The following MYO16 variants were observed in gnomAD, a reference collection of about 807,000 sequenced individuals.
MYO16 encodes the protein myosin XVI, also known as unconventional myosin-XVI.
In MYO16, 94 loss-of-function variants were observed where a neutral mutation model predicts 205.3. The ratio of observed to expected loss-of-function variants is 0.46; its 90% CI spans 0.39 to 0.54. MYO16 has a LOEUF of 0.54. Among genes scored for constraint, MYO16 ranks in the 20% least tolerant of loss-of-function variants. The pLI is 0.00. For synonymous variants in MYO16, 988 were observed against 954.0 expected, an observed-to-expected ratio of 1.04 and a Z score of -0.66; for missense variants, 2,315 against 2,387.5, an observed-to-expected ratio of 0.97 and a Z score of 0.63.
In MYO16 at chr13:109,023,098, T is replaced by C. The variant is rs985109487; in HGVS notation, c.2796+3187T>C. Among the ~76,000 whole-genome samples, 3 of 132,872 alleles carry C rather than the reference T, an allele frequency of 2.3e-5. No individual in the cohort carries two copies. The South Asian group carries it at 6.9e-4, about 31-fold the overall frequency. The allele number at this position is 132,872 out of a possible 152,430, so 87.2% of individuals were successfully genotyped here. A position where few individuals can be genotyped will look rare whatever the true frequency, so the allele number is the denominator to read the frequency against. On this transcript the variant is annotated intron_variant, in intron 23 of 34. Coordinates refer to ENST00000457511, the MANE Select transcript of MYO16 (RefSeq NM_001198950.3). ...ATTATATATACACATGTAAATATGT[T>C]TATATATTGTATATACATATAACAA...
the MYO16 span, among the ~76,000 whole-genome samples, chr13:108,543,795 G>T: frequency 7.1e-6 from 1 of 139,938 alleles, no homozygotes; most frequent in South Asian, 2.2e-4. Context: ...GCTGGGCATG[G>T]TGGCTCACAC....
intron 20 of MYO16, among the ~76,000 whole-genome samples, 190 bp from the exon 21 acceptor site, chr13:108,992,186 A>G (rs1258010008): frequency 6.6e-6 from 1 of 152,194 alleles, no homozygotes; most frequent in Non-Finnish European, 1.5e-5. Context: ...AAGCATTAAA[A>G]TAACAGTTTT....
chr13:109,174,796 G>A (rs1299314143), intron 33 of MYO16, among the ~76,000 whole-genome samples: 2 of 142,702 alleles, frequency 1.4e-5, no homozygotes, highest in Non-Finnish European at 3.0e-5. Flanking sequence ...CTGTCGCCCA[G>A]GCTGGAGTGC....
intron 28 of MYO16, among the ~76,000 whole-genome samples, chr13:109,111,674 T>C (rs1466135981): frequency 2.0e-5 from 3 of 151,806 alleles, no homozygotes; most frequent in Non-Finnish European, 4.4e-5. Context: ...TAATAAAATA[T>C]TCCAATGATT....
chr13:108,806,685 A>G lies in MYO16; in HGVS notation c.748A>G (p.Met250Val), dbSNP rs781409874. 9 of 1,612,776 alleles carry G rather than the reference A, an allele frequency of 5.6e-6. No individual in the cohort carries two copies. The highest frequency in any genetic ancestry group is 7.6e-6 in the Non-Finnish European group (9 of 1,179,078). The change falls in exon 7 of 35, where the codon ATG becomes GTG. Residue 250 changes from methionine (M) to valine (V), a missense_variant. By Grantham distance (21) the Met-to-Val change is conservative (BLOSUM62 1). Around this residue, in one of 3 missense-constraint regions of MYO16, gnomAD observed 1,213 missense variants for 1,274.4 expected, o/e 0.95. Coordinates refer to ENST00000457511, the MANE Select transcript of MYO16 (RefSeq NM_001198950.3). ...AGATGTCTCTTCGCTGCAGTTACAC[A>G]TGGCGTGTGCGAGTGGCTACAAGGA... ...KNDEGVTLLH[M>V]ACASGYKEVV...
chr13:109,030,642 A>G (rs1886518518), intron 23 of MYO16, among the ~76,000 whole-genome samples: 1 of 151,784 alleles, frequency 6.6e-6, no homozygotes, highest in Admixed American at 6.6e-5. Flanking sequence ...GAGCTTATCG[A>G]CTCTCAAGAT....
intron 20 of MYO16, among the ~76,000 whole-genome samples, chr13:108,989,734 T>A (rs1384243749): frequency 6.6e-6 from 1 of 152,144 alleles, no homozygotes; most frequent in Non-Finnish European, 1.5e-5. Context: ...AACTAAATTG[T>A]TTTTGAGGAA....
intron 6 of MYO16, among the ~76,000 whole-genome samples, chr13:108,800,388 C>A (rs1194205975): frequency 1.3e-5 from 2 of 152,166 alleles, no homozygotes; most frequent in African/African-American, 2.4e-5. Flanking sequence ...AAGTGGACTC[C>A]TAACACACTA....
chr13:108,643,661 C>T (rs1054096938), intron 1 of MYO16, among the ~76,000 whole-genome samples: 3 of 152,172 alleles, frequency 2.0e-5, no homozygotes, highest in Non-Finnish European at 4.4e-5. Flanking sequence ...GTAGGATTCT[C>T]TTTGATGGAT....
chr13:108,848,873 C>G (rs1265479178), intron 10 of MYO16, among the ~76,000 whole-genome samples: 1 of 152,112 alleles, frequency 6.6e-6, no homozygotes, highest in Non-Finnish European at 1.5e-5. Context: ...ATTTTGTATC[C>G]AGTGCTCTTT....
intron 34 of MYO16, among the ~76,000 whole-genome samples, chr13:109,190,833 T>C (rs1275391502): frequency 6.6e-6 from 1 of 152,202 alleles, no homozygotes; most frequent in African/African-American, 2.4e-5. Context: ...TTCAATTATA[T>C]GCATCCATGT....
intron 3 of MYO16, among the ~76,000 whole-genome samples, chr13:108,726,581 A>G (rs1300994077): frequency 1.3e-5 from 2 of 151,986 alleles, no homozygotes; most frequent in Non-Finnish European, 2.9e-5. Flanking sequence ...AAGAAAAAGA[A>G]AAAGAAAAAT....
intron 1 of MYO16, among the ~76,000 whole-genome samples, chr13:108,598,293 A>G (rs1030434857): frequency 7.3e-5 from 11 of 150,114 alleles, no homozygotes; most frequent in African/African-American, 2.7e-4. Context: ...TCCATAAATA[A>G]ACATTGTAGT....
intron 16 of MYO16, among the ~76,000 whole-genome samples, chr13:108,912,337 C>G (rs189608423): frequency 1.6e-4 from 25 of 152,130 alleles, no homozygotes; most frequent in African/African-American, 5.8e-4. Flanking sequence ...TGTAAAAGGC[C>G]TTATCAAAAT....
chr13:109,095,850 A>G (rs774292244), intron 27 of MYO16, among the ~76,000 whole-genome samples: 1 of 152,236 alleles, frequency 6.6e-6, no homozygotes, highest in Non-Finnish European at 1.5e-5. Context: ...ACCGAAGGCC[A>G]ACAAACCAAG....
intron 34 of MYO16, among the ~76,000 whole-genome samples, chr13:109,200,457 A>G (rs1594181737): frequency 6.6e-6 from 1 of 152,168 alleles, no homozygotes; most frequent in East Asian, 1.9e-4. Flanking sequence ...AGAACTATGC[A>G]AAGTTCTTGT....
chr13:109,140,816 C>T lies in MYO16; in HGVS notation c.4604C>T (p.Pro1535Leu). 6.3e-7 allele frequency: 1 copy of T among 1,592,100 alleles called. No individual in the cohort carries two copies. Among genetic ancestry groups the T allele is most frequent in the Non-Finnish European group, 8.5e-7 (1 of 1,171,454 alleles). ...GCCTCCGACGAGTCGCCCCTGACAC[C>T]CCTGGAGGTGAAGAAGCTGCCAGTC... ...SPASDESPLT[P>L]LEVKKLPVLE... The change falls in exon 32 of 35, where the codon CCC becomes CTC. Residue 1535 changes from proline (P) to leucine (L), a missense_variant. Coordinates refer to ENST00000457511, the MANE Select transcript of MYO16 (RefSeq NM_001198950.3). The surrounding 1 kb of genome is among the most constrained non-coding windows in gnomAD (Gnocchi z 8.0).
intron 28 of MYO16, among the ~76,000 whole-genome samples, chr13:109,110,307 AC>A (rs1478196106): frequency 1.3e-5 from 2 of 152,246 alleles, no homozygotes; most frequent in Non-Finnish European, 2.9e-5. Context: ...AGCACTCTTG[AC>A]CATATCAATA....
At chr13:108,838,690 TACACAC>T (rs138108851) in intron 9 of MYO16, among the ~76,000 whole-genome samples, 1 of 135,906 alleles carries the variant, frequency 7.4e-6, no homozygotes, top group African/African-American at 2.8e-5. Flanking sequence ...TATATATATA[TACACAC>T]ACACACACAC....
Sources: allele counts gnomAD v4.1 joint callset (sites outside exome capture counted in the v4.1 genomes callset), GRCh38; gene constraint gnomAD v4.1.1; regional missense constraint gnomAD v4.1.1; non-coding constraint Gnocchi (gnomAD v3.1); transcripts MANE v1.5; gene names NCBI Gene and HGNC (gene_info 2026-07-23, HGNC 2026-07-21).